Variants in RGS9 observed in about 807,000 individuals in gnomAD.
The protein encoded by RGS9 is regulator of G-protein signalling 9.
Under a neutral mutation model 102.0 loss-of-function variants are expected in RGS9, and 78 were observed. The ratio of observed to expected loss-of-function variants is 0.76; its 90% CI spans 0.64 to 0.92. The LOEUF (loss-of-function observed/expected upper bound fraction) is 0.92. Among genes scored for constraint, RGS9 ranks in the 40% least tolerant of loss-of-function variants. The pLI is 0.00. For synonymous variants in RGS9, 353 were observed against 318.6 expected (o/e 1.11, Z -1.15); for missense variants, 833 against 866.1 (o/e 0.96, Z 0.48).
At chr17:65,145,753 G>A (rs1237182516) in intron 1 of RGS9, among the ~76,000 whole-genome samples, 2 of 152,082 alleles carry the variant, frequency 1.3e-5, no homozygotes, top group Non-Finnish European at 2.9e-5. Context: ...AGGTACTGGG[G>A]TTAGGACTTC....
chr17:65,156,136 G>A (rs1317521653), intron 2 of RGS9, among the ~76,000 whole-genome samples: 1 of 152,158 alleles, frequency 6.6e-6, no homozygotes, highest in Non-Finnish European at 1.5e-5. Flanking sequence ...CGATTCTCAT[G>A]CCTCAGCTCC....
At chr17:65,220,762 C>T (rs7217548) in intron 17 of RGS9, among the ~76,000 whole-genome samples, 10,923 of 152,252 alleles carry the variant, frequency 0.072, 1,304 homozygotes, top group African/African-American at 0.25. Context: ...CTATGCACTA[C>T]CTGCTTTGCC....
At chr17:65,214,138 T>G (rs1424931115) in intron 17 of RGS9, among the ~76,000 whole-genome samples, 1 of 152,160 alleles carries the variant, frequency 6.6e-6, no homozygotes, top group African/African-American at 2.4e-5. Context: ...ATTTTTTGTA[T>G]TTTTTGTACA....
At chr17:65,207,699 G>A (rs933486545) in intron 15 of RGS9, among the ~76,000 whole-genome samples, 3 of 152,108 alleles carry the variant, frequency 2.0e-5, no homozygotes, top group African/African-American at 7.2e-5. Context: ...AGGACGGCTG[G>A]GGCAGGCCTG....
intron 14 of RGS9, among the ~76,000 whole-genome samples, chr17:65,203,817 C>A (rs1912943725): frequency 6.6e-6 from 1 of 152,146 alleles, no homozygotes; most frequent in South Asian, 2.1e-4. Context: ...CCCAGGTTGC[C>A]CCTGGAATCC....
At chr17:65,157,594 C>T (rs1910814250) in intron 2 of RGS9, among the ~76,000 whole-genome samples, 3 of 151,816 alleles carry the variant, frequency 2.0e-5, no homozygotes, top group African/African-American at 7.3e-5. Context: ...GTGTGTTGTT[C>T]CCAAGCCAGC....
At chr17:65,171,514 A>G (rs1911419796) in intron 8 of RGS9, among the ~76,000 whole-genome samples, 1 of 152,230 alleles carries the variant, frequency 6.6e-6, no homozygotes, top group African/African-American at 2.4e-5. Context: ...CAAGGAGCTC[A>G]AAATCCAAAT....
In RGS9 at chr17:65,225,470, T is replaced by C. The variant is rs1369067579; in HGVS notation, c.1876T>C (p.Ser626Pro). The stretch of plus-strand genomic sequence containing the variant: ...GGGCCAGCAGCTGCCACGATTGAAA[T>C]CCAAGAGAGTAGCAAAGTAAGAACC... ...DVGQQLPRLKSKRVANFFQIK... is the reference protein window; with the variant it reads ...DVGQQLPRLKPKRVANFFQIK... The change falls in exon 18 of 19, where the codon TCC (serine) becomes CCC (proline). Residue 626 changes from serine (S) to proline (P), a missense_variant. Ser to Pro is a moderately conservative substitution (Grantham distance 74). This residue lies in a region of RGS9 where 320 missense variants were observed against 276.8 expected (regional missense o/e 1.16). Coordinates refer to ENST00000262406, the MANE Select transcript of RGS9 (RefSeq NM_003835.4). 1.2e-6 allele frequency: 2 copies of C among 1,603,228 alleles called. No homozygotes were observed. Among genetic ancestry groups the C allele is most frequent in the Admixed American group, 3.3e-5 (2 of 60,014 alleles).
At chr17:65,166,584 A>G (rs1911189366) in intron 7 of RGS9, among the ~76,000 whole-genome samples, 2 of 152,256 alleles carry the variant, frequency 1.3e-5, no homozygotes, top group African/African-American at 4.8e-5. Context: ...TGAAAAAATC[A>G]CAAACTAAAG....
chr17:65,223,598 G>C (rs761616394), intron 17 of RGS9, among the ~76,000 whole-genome samples: 1 of 152,218 alleles, frequency 6.6e-6, no homozygotes, highest in Non-Finnish European at 1.5e-5. Flanking sequence ...CCTTCAGCCC[G>C]GGGGCAGTGC....
At chr17:65,191,741 T>C (rs537835580) in intron 11 of RGS9, among the ~76,000 whole-genome samples, 1 of 151,964 alleles carries the variant, frequency 6.6e-6, no homozygotes, top group African/African-American at 2.4e-5. Flanking sequence ...AGCAAGACTT[T>C]GTCTCAAAAA....
In RGS9 at chr17:65,210,631, G is replaced by A. The variant is rs1598618835; in HGVS notation, c.1407+26G>A. 9 of 1,612,682 alleles carry A rather than the reference G, an allele frequency of 5.6e-6. No homozygotes were observed. The East Asian group carries it at 1.8e-4, about 32-fold the overall frequency. ...GTCATGAGCAAGCTGGACCGCAGGA[G>A]CCAACTCCAAAAAGAGCTGCCTCCT... On this transcript the variant is annotated intron_variant, in intron 17 of 18. Transcript: ENST00000262406.
intron 11 of RGS9, among the ~76,000 whole-genome samples, chr17:65,191,989 C>T (rs1189389481): frequency 3.3e-5 from 5 of 152,174 alleles, no homozygotes; most frequent in African/African-American, 1.2e-4. Context: ...GGAGGCACAG[C>T]AGGTTTTCAA....
At chr17:65,139,425 G>A (rs945306753) in intron 1 of RGS9, among the ~76,000 whole-genome samples, 1 of 151,934 alleles carries the variant, frequency 6.6e-6, no homozygotes, top group Non-Finnish European at 1.5e-5. Flanking sequence ...TGGTTACCCA[G>A]GATTCCGCTC....
At chr17:65,178,469 C>CTT (rs112543272) in intron 9 of RGS9, among the ~76,000 whole-genome samples, 1 of 149,832 alleles carries the variant, frequency 6.7e-6, no homozygotes, top group African/African-American at 2.5e-5. Context: ...CCAGATAATT[C>CTT]TTTTTTTTTC....
In RGS9 at chr17:65,170,070, T is replaced by C. The variant is rs542059847; in HGVS notation, c.582+1789T>C. On this transcript the variant is annotated intron_variant, in intron 8 of 18. Transcript: ENST00000262406. ...ATTCTTTTTTTTTTTTTTTTTTTTT[T>C]CTGAGATGGAGCCTTGCTCTGTCAC... 2.9e-4 allele frequency among the ~76,000 whole-genome samples: 43 copies of C among 149,392 alleles called. No individual in the cohort carries two copies. In the East Asian group the frequency reaches 6.5e-3, roughly 22 times the overall value.
At position 65,227,464 on chromosome 17, in the gene RGS9, C is replaced by T; in HGVS notation, c.*57C>T. ...ACCAGGAAGATGCTCTGACAGATGC[C>T]ATGGTATGGGCCACAGGACACACTT... is the stretch of plus-strand genomic sequence containing the variant. On this transcript the variant is annotated 3_prime_UTR_variant, in exon 19 of 19. Coordinates refer to ENST00000262406, the MANE Select transcript of RGS9 (RefSeq NM_003835.4). 6.4e-7 allele frequency: 1 copy of T among 1,574,070 alleles called. No homozygotes were observed. Among genetic ancestry groups the T allele is most frequent in the Non-Finnish European group, 8.6e-7 (1 of 1,159,044 alleles).
In RGS9 at chr17:65,225,343, CA is replaced by C. The variant is rs1270752703; in HGVS notation, c.1750del (p.Arg584GlyfsTer3). Reference protein sequence around the residue: ...PKARMALSFSRFLRRGCLASP... With the variant: ...PKARMALSFSXFLRRGCLASP... ...AGGCCCGCATGGCTCTGTCCTTCAG[CA>C]GGTTTCTGAGACGAGGCTGTCTGGC... On this transcript the variant is annotated frameshift_variant, in exon 18 of 19. Transcript: ENST00000262406. LOFTEE classifies it high-confidence loss of function. 1 of 1,611,594 alleles carries C rather than the reference CA, an allele frequency of 6.2e-7. No individual in the cohort carries two copies. Among genetic ancestry groups the C allele is most frequent in the Admixed American group, 1.7e-5 (1 of 60,034 alleles).
At chr17:65,214,875 TCCCCATCCA>T (rs895152739) in intron 17 of RGS9, among the ~76,000 whole-genome samples, 1 of 152,170 alleles carries the variant, frequency 6.6e-6, no homozygotes, top group African/African-American at 2.4e-5. Context: ...TAAGCGCCAC[TCCCCATCCA>T]CCCCTGGCTG....
Sources: gnomAD v4.1 joint callset for allele counts (sites outside exome capture counted in the v4.1 genomes callset) on GRCh38, gnomAD v4.1.1 for gene constraint, gnomAD v4.1.1 regional missense constraint, MANE v1.5 for transcripts, NCBI Gene and HGNC (gene_info 2026-07-23, HGNC 2026-07-21) for gene names.